The following SERINC5 variants were observed in gnomAD, a reference collection of about 807,000 sequenced individuals.
SERINC5 encodes the protein serine incorporator 5, also known as chromosome 5 open reading frame 12.
Under a neutral mutation model 63.1 loss-of-function variants are expected in SERINC5, and 41 were observed. The observed-to-expected ratio is 0.65, with a 90% CI of 0.51 to 0.84. SERINC5 has a LOEUF of 0.84. SERINC5 is among the 40% of genes least tolerant of loss of function. The probability of loss-of-function intolerance (pLI) is 0.00; values close to 1 mark genes in which losing one functional copy is unlikely to be tolerated. For missense variants in SERINC5, 523 were observed against 573.0 expected (o/e 0.91, Z 0.89); for synonymous variants, 222 against 215.2 (o/e 1.03, Z -0.28).
At chr5:80,234,774 A>G (rs1347472765) in intron 1 of SERINC5, among the ~76,000 whole-genome samples, 2 of 152,166 alleles carry the variant, frequency 1.3e-5, no homozygotes, top group Admixed American at 6.5e-5. Flanking sequence ...ACCTACATAC[A>G]TGGATACATA....
chr5:80,197,408 T>C (rs1290431886), intron 2 of SERINC5, among the ~76,000 whole-genome samples: 1 of 139,184 alleles, frequency 7.2e-6, no homozygotes, highest in Non-Finnish European at 1.6e-5. Context: ...ATTCCATTTA[T>C]ACGAAATGTC....
chr5:80,188,231 T>C (rs938210745), intron 2 of SERINC5, among the ~76,000 whole-genome samples: 1 of 139,110 alleles, frequency 7.2e-6, no homozygotes, highest in African/African-American at 2.7e-5. Flanking sequence ...TGCAGTGCGC[T>C]GAGATCCCAC....
chr5:80,214,560 C>A (rs201440709), intron 1 of SERINC5, among the ~76,000 whole-genome samples: 8 of 138,366 alleles, frequency 5.8e-5, no homozygotes, highest in Non-Finnish European at 7.7e-5. Context: ...ATTAAAAAAA[C>A]AAAAAAAAAA....
chr5:80,129,550 C>G (rs554148284), intron 11 of SERINC5, among the ~76,000 whole-genome samples: 35 of 152,152 alleles, frequency 2.3e-4, no homozygotes, highest in Non-Finnish European at 4.3e-4. Flanking sequence ...CTCACGTGAT[C>G]CTCCCACCCC....
chr5:80,212,160 G>C (rs1384459699), intron 1 of SERINC5, among the ~76,000 whole-genome samples: 2 of 152,174 alleles, frequency 1.3e-5, no homozygotes, highest in African/African-American at 4.8e-5. Flanking sequence ...AAGACATCAA[G>C]TTTTCTGTGA....
downstream of SERINC5, among the ~76,000 whole-genome samples, chr5:80,135,200 AT>A (rs1285535139): frequency 1.1e-4 from 17 of 152,222 alleles, no homozygotes; most frequent in South Asian, 2.5e-3. Flanking sequence ...AGCCCGCCTA[AT>A]TTTTGTATTT....
chr5:80,122,341 G>A (rs1157568831), intron 11 of SERINC5, among the ~76,000 whole-genome samples: 1 of 151,928 alleles, frequency 6.6e-6, no homozygotes, highest in African/African-American at 2.4e-5. Context: ...TAGAGTGGGA[G>A]GCTAGACCCA....
rs1251875786 is a variant in SERINC5 at position 80,140,300 on chromosome 5, G to A, written c.*3363C>T. The A allele has an allele frequency of 1.7e-5, 14 of 840,660 alleles. No homozygotes were observed. The highest frequency in any genetic ancestry group is 6.0e-5 in the South Asian group (1 of 16,726). 52.1% of individuals were successfully genotyped at this position (840,660 alleles called of 1,614,324 possible). ...CCAGCGTGGCTGACAGAGTGAGCCC[G>A]TCTCCAAAAAAAAAAAAAAAAAAAA... is the stretch of plus-strand genomic sequence containing the variant. On this transcript the variant is annotated 3_prime_UTR_variant, in exon 12 of 12. Transcript: ENST00000507668.
Position 80,203,022 on chromosome 5 carries a change from G to A in SERINC5, c.59C>T (p.Ser20Phe), listed in dbSNP as rs780936450. 1 of 1,612,200 alleles carries A rather than the reference G, an allele frequency of 6.2e-7. No individual in the cohort carries two copies. The highest frequency in any genetic ancestry group is 1.1e-5 in the South Asian group (1 of 90,758). ...LACCCGSAGC[S>F]LCCDCCPRIR... ...CCTGGGGCAGCAATCACAGCAGAGA[G>A]AGCAGCCTGCAGACCCACAGCAGCA... Residue 20 changes from serine (S) to phenylalanine (F), a missense_variant, in exon 2 of 12, where the codon TCT becomes TTT. Transcript: ENST00000507668.
chr5:80,156,002 AT>A (rs890097687), intron 8 of SERINC5, among the ~76,000 whole-genome samples: 1 of 152,036 alleles, frequency 6.6e-6, no homozygotes, highest in African/African-American at 2.4e-5. Context: ...CAGGATGGAG[AT>A]ACCCCAAAGG....
rs569382966 is a variant in SERINC5, at chr5:80,182,691, G to A, written c.196-4627C>T. 6.6e-3 allele frequency among the ~76,000 whole-genome samples: 1,000 copies of A among 151,882 alleles called. 5 individuals are homozygous for A. Among genetic ancestry groups the A allele is most frequent in the Non-Finnish European group, 0.01 (689 of 67,962 alleles). On this transcript the variant is annotated intron_variant, in intron 2 of 11. Coordinates refer to ENST00000507668, the MANE Select transcript of SERINC5 (RefSeq NM_001174072.3). ...CTCCAGAGTAGCTGGGATTACAGGC[G>A]CCTGCCACCACGCCTGGCTAATTTT...
At chr5:80,163,558 A>T (rs1747080621) in intron 7 of SERINC5, among the ~76,000 whole-genome samples, 3 of 148,572 alleles carry the variant, frequency 2.0e-5, no homozygotes, top group East Asian at 2.0e-4. Context: ...TTTTTTTTTT[A>T]CCATGAAAAG....
In SERINC5 at chr5:80,235,707, G is replaced by A. The variant is rs141676686; in HGVS notation, c.27+20189C>T. ...TCCCTCTTGGGTTCAAGCAATTCTC[G>A]TGCCTCAGCCTCCCAAGTAGCTGGG... is the stretch of plus-strand genomic sequence containing the variant. On this transcript the variant is annotated intron_variant, in intron 1 of 11. Transcript: ENST00000507668. Among the ~76,000 whole-genome samples, 685 of 152,100 alleles carry A rather than the reference G, an allele frequency of 4.5e-3. 5 individuals carry two copies. Among genetic ancestry groups the A allele is most frequent in the African/African-American group, 0.015 (641 of 41,486 alleles).
intron 2 of SERINC5, among the ~76,000 whole-genome samples, chr5:80,198,296 C>T (rs1248711752): frequency 6.6e-6 from 1 of 152,126 alleles, no homozygotes; most frequent in Non-Finnish European, 1.5e-5. Flanking sequence ...CCTTATTCAA[C>T]CAGCACAGTC....
intron 2 of SERINC5, among the ~76,000 whole-genome samples, chr5:80,198,143 AATGG>A (rs1749621687): frequency 6.6e-6 from 1 of 152,106 alleles, no homozygotes; most frequent in Non-Finnish European, 1.5e-5. Context: ...CGGCCTCTAA[AATGG>A]ATTTTTAATC....
At chr5:80,161,013 T>TACGTGTATATATATAAC (rs1561380836) in intron 7 of SERINC5, among the ~76,000 whole-genome samples, 1 of 147,440 alleles carries the variant, frequency 6.8e-6, no homozygotes, top group Non-Finnish European at 1.5e-5. Flanking sequence ...CGTGTATATA[T>TACGTGTATATATATAAC]ACGTGTATAT....
At chr5:80,115,687 T>C (rs1744300499) in intron 11 of SERINC5, among the ~76,000 whole-genome samples, 1 of 152,098 alleles carries the variant, frequency 6.6e-6, no homozygotes, top group South Asian at 2.1e-4. Flanking sequence ...GACTGTATGC[T>C]GTTTTACGTT....
intron 1 of SERINC5, among the ~76,000 whole-genome samples, chr5:80,224,484 A>G (rs902542323): frequency 6.6e-6 from 1 of 152,192 alleles, no homozygotes; most frequent in Non-Finnish European, 1.5e-5. Context: ...CTCAAAAGAA[A>G]AAAAAACAGT....
chr5:80,227,360 C>T (rs1037843414), intron 1 of SERINC5, among the ~76,000 whole-genome samples: 2 of 152,200 alleles, frequency 1.3e-5, no homozygotes, highest in East Asian at 3.9e-4. Flanking sequence ...CTCCTAAGGT[C>T]GAGATAGGAA....
Sources: gnomAD v4.1 joint callset for allele counts (sites outside exome capture counted in the v4.1 genomes callset) on GRCh38, gnomAD v4.1.1 for gene constraint, MANE v1.5 for transcripts, NCBI Gene and HGNC (gene_info 2026-07-23, HGNC 2026-07-21) for gene names.